Variants in WWOX observed in about 807,000 individuals in gnomAD.
WWOX encodes WW domain-containing oxidoreductase.
Under a neutral mutation model 46.2 loss-of-function variants are expected in WWOX, and 69 were observed. That is an observed-to-expected ratio of 1.49 (90% CI 1.23 to 1.82). WWOX has a LOEUF of 1.82. Ranked by LOEUF, WWOX falls within the 40% of genes most tolerant of loss-of-function variation. WWOX has a pLI of 0.00. For synonymous variants in WWOX, 359 were observed against 202.6 expected, an observed-to-expected ratio of 1.77 and a Z score of -6.56; for missense variants, 919 against 542.6, an observed-to-expected ratio of 1.69 and a Z score of -6.89.
At chr16:78,207,364 A>G (rs960757377) in intron 5 of WWOX, among the ~76,000 whole-genome samples, 1 of 152,186 alleles carries the variant, frequency 6.6e-6, no homozygotes, top group African/African-American at 2.4e-5. Context: ...TCAAGTGTAT[A>G]CATAATTTTC....
At chr16:78,957,058 T>C (rs896706570) in intron 8 of WWOX, among the ~76,000 whole-genome samples, 1 of 152,224 alleles carries the variant, frequency 6.6e-6, no homozygotes, top group Non-Finnish European at 1.5e-5. Context: ...CATGTGACTT[T>C]CTATATCATC....
chr16:78,608,277 C>T (rs898942992), intron 8 of WWOX, among the ~76,000 whole-genome samples: 1 of 152,176 alleles, frequency 6.6e-6, no homozygotes, highest in African/African-American at 2.4e-5. Flanking sequence ...TCATGAGGTT[C>T]AGCTTAAAAG....
intron 8 of WWOX, among the ~76,000 whole-genome samples, chr16:78,587,567 C>G (rs1019490169): frequency 6.6e-6 from 1 of 152,026 alleles, no homozygotes; most frequent in Admixed American, 6.6e-5. Flanking sequence ...ACTGCCCTCC[C>G]CTGATTACCG....
At chr16:79,072,444 T>C (rs1263519629) in intron 8 of WWOX, among the ~76,000 whole-genome samples, 1 of 152,222 alleles carries the variant, frequency 6.6e-6, no homozygotes, top group Non-Finnish European at 1.5e-5. Context: ...GTTGCTACTT[T>C]GCAACATAGA....
intron 8 of WWOX, among the ~76,000 whole-genome samples, chr16:78,630,217 C>G (rs1035146923): frequency 6.6e-6 from 1 of 152,148 alleles, no homozygotes; most frequent in Non-Finnish European, 1.5e-5. Context: ...TTCACAAGGC[C>G]AGGCACTGGG....
chr16:78,476,336 C>G (rs924522899), intron 8 of WWOX, among the ~76,000 whole-genome samples: 1 of 151,852 alleles, frequency 6.6e-6, no homozygotes, highest in Non-Finnish European at 1.5e-5. Flanking sequence ...AACCATCATT[C>G]TCAGCAAACT....
chr16:79,183,949 C>T (rs1338722051), intron 8 of WWOX, among the ~76,000 whole-genome samples: 2 of 152,204 alleles, frequency 1.3e-5, no homozygotes, highest in Non-Finnish European at 2.9e-5. Context: ...AGAAAACACG[C>T]TTTGGTGTCG....
At chr16:78,117,254 A>T (rs1287466098) in intron 4 of WWOX, among the ~76,000 whole-genome samples, 1 of 152,152 alleles carries the variant, frequency 6.6e-6, no homozygotes, top group Non-Finnish European at 1.5e-5. Flanking sequence ...GCAAATTGTA[A>T]CGCTCAGGAT....
chr16:78,526,921 T>A (rs1597214112), intron 8 of WWOX, among the ~76,000 whole-genome samples: 2 of 152,092 alleles, frequency 1.3e-5, no homozygotes, highest in East Asian at 3.9e-4. Context: ...TCCCAGCACT[T>A]TGGGAGGCCG....
intron 8 of WWOX, among the ~76,000 whole-genome samples, chr16:78,468,632 A>G (rs1346214860): frequency 6.6e-6 from 1 of 152,104 alleles, no homozygotes; most frequent in African/African-American, 2.4e-5. Context: ...CTTAGTACAC[A>G]TCCCATGTCT....
At chr16:78,858,855 C>CT (rs372678899) in intron 8 of WWOX, among the ~76,000 whole-genome samples, 71 of 151,074 alleles carry the variant, frequency 4.7e-4, no homozygotes, top group Middle Eastern at 3.4e-3. Flanking sequence ...ATTTTTTGAA[C>CT]TTTTTTGTAG....
intron 8 of WWOX, among the ~76,000 whole-genome samples, chr16:78,763,192 G>A (rs1597569436): frequency 6.6e-6 from 1 of 152,304 alleles, no homozygotes; most frequent in East Asian, 1.9e-4. Context: ...AGCAGTTGGC[G>A]TATGGCTTGA....
chr16:79,196,715 G>C (rs1345865766), intron 8 of WWOX, among the ~76,000 whole-genome samples: 1 of 151,958 alleles, frequency 6.6e-6, no homozygotes, highest in South Asian at 2.1e-4. Flanking sequence ...CCCCCAATGA[G>C]AGACTTTTTT....
At chr16:78,745,204 A>T (rs1298722549) in intron 8 of WWOX, among the ~76,000 whole-genome samples, 3 of 152,204 alleles carry the variant, frequency 2.0e-5, no homozygotes, top group Admixed American at 6.5e-5. Context: ...GGAAGAACTC[A>T]GTATTAAGGC....
intron 8 of WWOX, among the ~76,000 whole-genome samples, chr16:78,884,370 T>G (rs2044409050): frequency 6.6e-6 from 1 of 152,010 alleles, no homozygotes. Context: ...AAGAGTGTGT[T>G]TAGCAGCATT....
intron 8 of WWOX, among the ~76,000 whole-genome samples, chr16:79,168,890 T>G (rs183144323): frequency 4.6e-5 from 7 of 152,328 alleles, no homozygotes; most frequent in Admixed American, 3.9e-4. Flanking sequence ...CAAAAAACTT[T>G]TGCATGGGAA....
chr16:79,163,512 A>C (rs1053752916), intron 8 of WWOX, among the ~76,000 whole-genome samples: 1 of 152,174 alleles, frequency 6.6e-6, no homozygotes. Flanking sequence ...ATGATGTTAG[A>C]GAAAGGCCGG....
rs141546399 is a variant in WWOX, at chr16:78,706,866, TG to T, written c.1056+274116del. On this transcript the variant is annotated intron_variant, in intron 8 of 8. Coordinates refer to ENST00000566780, the MANE Select transcript of WWOX (RefSeq NM_016373.4). ...GTCTGGAGTGTAATTGACGCAATCC[TG>T]GCTGGCTGCAGCCTTGACCTTCTGG... 3.1e-3 allele frequency among the ~76,000 whole-genome samples: 474 copies of T among 152,260 alleles called. 2 individuals carry two copies. Among genetic ancestry groups the T allele is most frequent in the African/African-American group, 0.011 (454 of 41,560 alleles).
intron 1 of WWOX, among the ~76,000 whole-genome samples, chr16:78,101,491 C>CAT (rs2031787233): frequency 6.6e-6 from 1 of 151,944 alleles, no homozygotes; most frequent in African/African-American, 2.4e-5. Context: ...GGATTACAGG[C>CAT]GCCCGCCACC....
Sources: allele counts gnomAD v4.1 joint callset (sites outside exome capture counted in the v4.1 genomes callset), GRCh38; gene constraint gnomAD v4.1.1; transcripts MANE v1.5; gene names NCBI Gene and HGNC (gene_info 2026-07-23, HGNC 2026-07-21).